SCG3: variants seen among roughly 807,000 people sequenced by gnomAD.
The protein encoded by SCG3 is secretogranin-3.
Under a neutral mutation model 56.2 loss-of-function variants are expected in SCG3, and 38 were observed. That is an observed-to-expected ratio of 0.68 (90% CI 0.52 to 0.89). The LOEUF (loss-of-function observed/expected upper bound fraction) is 0.89. SCG3 is among the 40% of genes least tolerant of loss of function. The pLI is 0.00. For missense variants in SCG3, 524 were observed against 540.7 expected (o/e 0.97, Z 0.31); for synonymous variants, 176 against 184.2 (o/e 0.96, Z 0.36).
In SCG3 at chr15:51,706,784, CCAA is replaced by C. The variant is rs572333200; in HGVS notation, c.1207+5542_1207+5544del. 9.6e-3 allele frequency among the ~76,000 whole-genome samples: 1,466 copies of C among 152,124 alleles called. 12 individuals carry two copies. The highest frequency in any genetic ancestry group is 0.024 in the Middle Eastern group (7 of 294). ...ATTTCAAGCTTAATGTAAAAAACAG[CCAA>C]CTTCATTACCAATGATGAAAAATGA... is the stretch of plus-strand genomic sequence containing the variant. On this transcript the variant is annotated intron_variant, in intron 10 of 11. Coordinates refer to ENST00000220478, the MANE Select transcript of SCG3 (RefSeq NM_013243.4).
chr15:51,718,720 T>C (rs2055475758), intron 11 of SCG3, among the ~76,000 whole-genome samples: 2 of 152,236 alleles, frequency 1.3e-5, no homozygotes, highest in South Asian at 2.1e-4. Flanking sequence ...GTTTTGACAA[T>C]GTATATAGAT....
chr15:51,713,284 T>C (rs1415790190), intron 10 of SCG3, 49 bp from the exon 11 acceptor site: 1 of 1,195,234 alleles, frequency 8.4e-7, no homozygotes, highest in South Asian at 1.3e-5. Flanking sequence ...TAAAATGAGA[T>C]GTAGTGATAT....
chr15:51,701,476 A>G (rs1297424953), intron 10 of SCG3, among the ~76,000 whole-genome samples: 1 of 152,154 alleles, frequency 6.6e-6, no homozygotes, highest in Non-Finnish European at 1.5e-5. Context: ...TTAGTGTTCA[A>G]TGGACTTTTG....
intron 11 of SCG3, among the ~76,000 whole-genome samples, chr15:51,718,230 A>ACAGG: frequency 6.6e-6 from 1 of 151,852 alleles, no homozygotes; most frequent in South Asian, 2.1e-4. Context: ...AGACAGACAG[A>ACAGG]CAGACAGATG....
At chr15:51,684,624 A>G (rs1055527518) in intron 4 of SCG3, among the ~76,000 whole-genome samples, 25 of 152,214 alleles carry the variant, frequency 1.6e-4, no homozygotes, top group African/African-American at 6.0e-4. Flanking sequence ...TGAAGCTTGC[A>G]CAGTCCTGCA....
At chr15:51,708,577 CG>C (rs1818944050) in intron 10 of SCG3, among the ~76,000 whole-genome samples, 1 of 152,180 alleles carries the variant, frequency 6.6e-6, no homozygotes, top group South Asian at 2.1e-4. Context: ...ACTGCCTTGC[CG>C]GGCGCGGAGG....
chr15:51,692,904 A>G (rs2055277217), intron 7 of SCG3, among the ~76,000 whole-genome samples: 1 of 151,940 alleles, frequency 6.6e-6, no homozygotes, highest in South Asian at 2.1e-4. Context: ...TGATGAGAAC[A>G]CTTAAGACCT....
In SCG3 at chr15:51,710,752, ATTTT is replaced by A. The variant is rs60536489; in HGVS notation, c.1208-2561_1208-2558del. On this transcript the variant is annotated intron_variant, in intron 10 of 11. Transcript: ENST00000220478. The stretch of plus-strand genomic sequence containing the variant: ...AGATGCACACCACCATGCCTGGCTA[ATTTT>A]TTTTTTTTTTTTTTTTTTTGGTAGA... Among the ~76,000 whole-genome samples, 457 of 105,268 alleles carry A rather than the reference ATTTT, an allele frequency of 4.3e-3. 3 individuals carry two copies. Among genetic ancestry groups the A allele is most frequent in the African/African-American group, 0.016 (437 of 26,884 alleles). 69.1% of individuals were successfully genotyped at this position (105,268 alleles called of 152,430 possible).
Position 51,719,410 on chromosome 15 carries a change from T to G in SCG3, c.1291T>G (p.Tyr431Asp), listed in dbSNP as rs1567224901. ...KHDKKGNKEDYDLSKMRDFIN... is the reference protein window; with the variant it reads ...KHDKKGNKEDDDLSKMRDFIN... ...TATGCTCTAATAATATTTTCCAGAT[T>G]ATGACCTTTCAAAGATGAGAGACTT... The change falls in exon 12 of 12, where the codon TAT (tyrosine) becomes GAT (aspartate). Residue 431 changes from tyrosine (Y) to aspartate (D), a missense_variant and splice_region_variant. Tyr to Asp is a radical substitution (Grantham distance 160). Transcript: ENST00000220478. The G allele has an allele frequency of 5.6e-6, 9 of 1,609,468 alleles. No individual in the cohort carries two copies. The highest frequency in any genetic ancestry group is 3.3e-4 in the Middle Eastern group (2 of 6,060).
At chr15:51,695,737 G>GGAT in intron 7 of SCG3, 138 bp from the exon 8 acceptor site, 1 of 602,026 alleles carries the variant, frequency 1.7e-6, no homozygotes, top group East Asian at 2.8e-5. Context: ...TTCCAGCCTG[G>GGAT]GCCACACAGT....
rs568962390 is a variant in SCG3, at chr15:51,710,341, T to C, written c.1208-2992T>C. 3.0e-4 allele frequency among the ~76,000 whole-genome samples: 45 copies of C among 152,304 alleles called. No homozygotes were observed. In the South Asian group the frequency reaches 8.7e-3, roughly 29 times the overall value. On this transcript the variant is annotated intron_variant, in intron 10 of 11. Transcript: ENST00000220478. ...AGAGGAGGAGAATGACGGGGTGTTC[T>C]GTTATAAATTAGGGAGACTGTCCTA... is the stretch of plus-strand genomic sequence containing the variant.
intron 11 of SCG3, among the ~76,000 whole-genome samples, chr15:51,716,331 C>G (rs780477291): frequency 6.6e-5 from 10 of 152,204 alleles, no homozygotes; most frequent in Non-Finnish European, 1.5e-4. Context: ...GAATCATCGC[C>G]TTAGGTGCGG....
intron 4 of SCG3, among the ~76,000 whole-genome samples, chr15:51,684,031 C>T (rs1007705381): frequency 1.3e-5 from 2 of 152,188 alleles, no homozygotes; most frequent in African/African-American, 4.8e-5. Flanking sequence ...AACTCATAAT[C>T]TGTGTCCACT....
chr15:51,682,976 CAA>C, intron 2 of SCG3, 101 bp from the exon 3 acceptor site: 3 of 883,620 alleles, frequency 3.4e-6, no homozygotes, highest in African/African-American at 1.7e-5. Context: ...ATTTTACAAA[CAA>C]GACAATTAAA....
At chr15:51,685,139 G>A (rs547400552) in intron 4 of SCG3, among the ~76,000 whole-genome samples, 5 of 152,300 alleles carry the variant, frequency 3.3e-5, no homozygotes, top group East Asian at 1.9e-4. Context: ...GTGGGATGGA[G>A]GCAATGGGTT....
intron 11 of SCG3, among the ~76,000 whole-genome samples, chr15:51,719,021 G>A (rs149921333): frequency 1.3e-5 from 2 of 152,218 alleles, no homozygotes; most frequent in East Asian, 1.9e-4. Flanking sequence ...CCTGACAGCC[G>A]TTTAAAATGC....
intron 10 of SCG3, among the ~76,000 whole-genome samples, chr15:51,712,945 C>T (rs1333861316): frequency 6.6e-6 from 1 of 152,200 alleles, no homozygotes; most frequent in African/African-American, 2.4e-5. Context: ...AAGTCCTTGG[C>T]TTGATGATGC....
rs569012710 is a variant in SCG3, at chr15:51,682,661, A to C, written c.135+92A>C. The C allele has an allele frequency of 5.0e-6, 4 of 801,908 alleles. No individual in the cohort carries two copies. The East Asian group carries it at 1.2e-4, about 25-fold the overall frequency. 49.7% of individuals were successfully genotyped at this position (801,908 alleles called of 1,614,324 possible). A position where few individuals can be genotyped will look rare whatever the true frequency, so the allele number is the denominator to read the frequency against. On this transcript the variant is annotated intron_variant, in intron 2 of 11. Transcript: ENST00000220478. The stretch of plus-strand genomic sequence containing the variant: ...ATGCTGTGACATTTTGGTCATTTTG[A>C]ATTTACAAACATCAGGAACTTAATA...
In SCG3 at chr15:51,719,401, T is replaced by C. The variant is rs927580051; in HGVS notation, c.1289-7T>C. ...TTTGCTCATTATGCTCTAATAATAT[T>C]TTCCAGATTATGACCTTTCAAAGAT... On this transcript the variant is annotated splice_polypyrimidine_tract_variant and splice_region_variant and intron_variant, in intron 11 of 11. Coordinates refer to ENST00000220478, the MANE Select transcript of SCG3 (RefSeq NM_013243.4). 5 of 1,599,582 alleles carry C rather than the reference T, an allele frequency of 3.1e-6. No homozygotes were observed. Among genetic ancestry groups the C allele is most frequent in the Non-Finnish European group, 4.3e-6 (5 of 1,167,630 alleles).
Sources: gnomAD v4.1 joint callset for allele counts (sites outside exome capture counted in the v4.1 genomes callset) on GRCh38, gnomAD v4.1.1 for gene constraint, MANE v1.5 for transcripts, NCBI Gene and HGNC (gene_info 2026-07-23, HGNC 2026-07-21) for gene names.